TUBB8: variants seen among roughly 807,000 people sequenced by gnomAD.
TUBB8 encodes tubulin beta 8 class VIII.
TUBB8 carries 25 observed loss-of-function variants against 33.7 expected under a neutral mutation model. The ratio of observed to expected loss-of-function variants is 0.74; its 90% CI spans 0.54 to 1.04. The LOEUF is 1.04. Among genes scored for constraint, TUBB8 ranks in the 50% least tolerant of loss-of-function variants. The probability of loss-of-function intolerance (pLI) is 0.00; values close to 1 mark genes in which losing one functional copy is unlikely to be tolerated. For synonymous variants in TUBB8, 245 were observed against 240.1 expected (o/e 1.02, Z -0.19); for missense variants, 279 against 608.0 (o/e 0.46, Z 5.69).
At chr10:49,437 T>G (rs1588273233), upstream of TUBB8, 2 of 708,554 alleles carry the variant, frequency 2.8e-6, no homozygotes, top group Non-Finnish European at 5.2e-6. Context: ...GAACATCTGT[T>G]GGAAAGCTCA....
At chr10:72,739 G>T (rs1212733811) in intron 1 of TUBB8, among the ~76,000 whole-genome samples, 1 of 151,402 alleles carries the variant, frequency 6.6e-6, no homozygotes, top group Non-Finnish European at 1.5e-5. Flanking sequence ...TGTAATCCCA[G>T]TTCTTGGGGA....
chr10:74,625 C>CAAAAAAAAAAAAAAAAGAAAAAA (rs1834784586), upstream of TUBB8, among the ~76,000 whole-genome samples: 1 of 89,680 alleles, frequency 1.1e-5, no homozygotes, highest in African/African-American at 4.4e-5. Context: ...GACTCAGTAT[C>CAAAAAAAAAAAAAAAAGAAAAAA]AAAAAAAAAA....
At chr10:49,474 T>C (rs1342262682), upstream of TUBB8, 11 of 635,906 alleles carry the variant, frequency 1.7e-5, no homozygotes, top group African/African-American at 1.5e-4. Flanking sequence ...CCTTTCCACG[T>C]TGGGGAAAGC....
At chr10:76,279 C>G (rs1385101812), upstream of TUBB8, among the ~76,000 whole-genome samples, 2 of 152,068 alleles carry the variant, frequency 1.3e-5, no homozygotes, top group African/African-American at 4.8e-5. Flanking sequence ...TCTCCGGGGA[C>G]CAGGGTCTCT....
chr10:62,049 C>G (rs557476334), intron 1 of TUBB8, among the ~76,000 whole-genome samples: 58 of 152,118 alleles, frequency 3.8e-4, no homozygotes, highest in Non-Finnish European at 6.8e-4. Flanking sequence ...ATCCATTCAT[C>G]CACTATTTGT....
chr10:67,800 C>A (rs1168543156), intron 1 of TUBB8, among the ~76,000 whole-genome samples: 1 of 152,176 alleles, frequency 6.6e-6, no homozygotes, highest in East Asian at 1.9e-4. Flanking sequence ...TTGAGAGAGT[C>A]TCACACTGTC....
At chr10:69,239 C>CA (rs1408743101) in intron 1 of TUBB8, among the ~76,000 whole-genome samples, 1 of 152,170 alleles carries the variant, frequency 6.6e-6, no homozygotes, top group African/African-American at 2.4e-5. Context: ...CTGCCCTTTC[C>CA]AAGGCATTCA....
At position 48,706 on chromosome 10, in the gene TUBB8, G is replaced by A. The variant is rs1554738821; in HGVS notation, c.186C>T (p.Arg62=). The change falls in exon 3 of 4, where the codon CGC becomes CGT. Residue 62 remains arginine, a synonymous_variant. Transcript: ENST00000568584. ...NEASGGRYVP[R]AVLVDLEPGT... ...CCGGCTCCAGATCCACGAGCACAGCGCGGGGCACGTACCTGCCACCTGCGT... is the reference window on the plus strand; with the variant it reads ...CCGGCTCCAGATCCACGAGCACAGCACGGGGCACGTACCTGCCACCTGCGT... 8 of 1,611,804 alleles carry A rather than the reference G, an allele frequency of 5.0e-6. No homozygotes were observed. The highest frequency in any genetic ancestry group is 1.3e-5 in the African/African-American group (1 of 74,864).
At chr10:69,808 G>A (rs1554742080) in intron 1 of TUBB8, among the ~76,000 whole-genome samples, 2 of 152,184 alleles carry the variant, frequency 1.3e-5, no homozygotes, top group African/African-American at 4.8e-5. Context: ...GAAGCGGGAG[G>A]ATGGCTCGAG....
intron 1 of TUBB8, among the ~76,000 whole-genome samples, chr10:71,159 C>T (rs868940381): frequency 1.3e-5 from 2 of 151,964 alleles, no homozygotes; most frequent in Middle Eastern, 3.4e-3. Flanking sequence ...TAAAAACACA[C>T]AAAAAATTAC....
rs1554738008 is a variant in TUBB8, at chr10:47,225, G to A, written c.1167C>T (p.Phe389=). The A allele has an allele frequency of 2.5e-6, 4 of 1,613,402 alleles. No homozygotes were observed. Among genetic ancestry groups the A allele is most frequent in the South Asian group, 1.1e-5 (1 of 91,040 alleles). The change falls in exon 4 of 4, where the codon TTC becomes TTT. Residue 389 remains phenylalanine (F), a synonymous_variant. Transcript: ENST00000568584. ...ACCAGTGGAGGAAGGCCTTGCGCCT[G>A]AACATTGCTGTAAACTGCTCTGAGA... ...KRVSEQFTAM[F]RRKAFLHWYT... is the part of the protein sequence containing the mutation.
rs377636729 is a variant in TUBB8, at chr10:49,278, G to A, written c.-40C>T. On this transcript the variant is annotated 5_prime_UTR_variant, in exon 1 of 4. Transcript: ENST00000568584. ...TAGGACGGCAGGAGAAACGTGAGAA[G>A]GAGGAGCAGACGCGCAGCGACCCAG... The A allele has an allele frequency of 3.2e-6, 5 of 1,562,570 alleles. No homozygotes were observed. Among genetic ancestry groups the A allele is most frequent in the South Asian group, 1.2e-5 (1 of 85,180 alleles).
chr10:67,150 G>T (rs71489225), intron 1 of TUBB8, among the ~76,000 whole-genome samples: 39,527 of 89,022 alleles, frequency 0.44, 5,462 homozygotes, highest in South Asian at 0.55. Context: ...TTGTTTTTTT[G>T]TTGTTTTTTT....
At chr10:74,639 AAAAAG>A (rs1286765035), upstream of TUBB8, among the ~76,000 whole-genome samples, 7 of 150,456 alleles carry the variant, frequency 4.7e-5, no homozygotes, top group Admixed American at 2.6e-4. Context: ...AAAAAAAAAA[AAAAAG>A]AAAGAAAGAA....
At chr10:54,009 A>G (rs1364937182), upstream of TUBB8, among the ~76,000 whole-genome samples, 11 of 152,020 alleles carry the variant, frequency 7.2e-5, no homozygotes, top group African/African-American at 7.2e-5. Context: ...CAGGGTATCC[A>G]TCCCCTCAAG....
chr10:73,967 A>C lies in TUBB8; in HGVS notation c.-846+2T>G, dbSNP rs1564214422. 1 of 156,214 alleles carries C rather than the reference A, an allele frequency of 6.4e-6. No homozygotes were observed. The highest frequency in any genetic ancestry group is 1.5e-5 in the Non-Finnish European group (1 of 67,732). 9.7% of individuals were successfully genotyped at this position (156,214 alleles called of 1,614,324 possible). A position where few individuals can be genotyped will look rare whatever the true frequency, so the allele number is the denominator to read the frequency against. ...AGCGCGGGCAGGAAGCCTTTTCCTC[A>C]CTTTTGCCTCGGTGTCCCGGAGCTG... On this transcript the variant is annotated splice_donor_variant, in intron 1 of 3. Transcript: ENST00000564130. LOFTEE classifies it low-confidence loss of function (5UTR_SPLICE).
chr10:49,767 A>G (rs1834442173), upstream of TUBB8: 2 of 356,456 alleles, frequency 5.6e-6, no homozygotes, highest in Non-Finnish European at 1.1e-5. Flanking sequence ...TATGGGTGTT[A>G]GAGACAGTCA....
intron 1 of TUBB8, among the ~76,000 whole-genome samples, chr10:55,121 T>C (rs1554740020): frequency 6.6e-6 from 1 of 152,188 alleles, no homozygotes; most frequent in Non-Finnish European, 1.5e-5. Flanking sequence ...TGGGGAGGCC[T>C]CAGGAAACTT....
Position 47,248 on chromosome 10 carries a change from A to C in TUBB8, c.1144T>G (p.Ser382Ala), listed in dbSNP as rs1554738020. The change falls in exon 4 of 4, where the codon TCA becomes GCA. Residue 382 changes from serine (S) to alanine (A), a missense_variant. Around this residue, in one of 4 missense-constraint regions of TUBB8, gnomAD observed 123 missense variants for 228.9 expected, o/e 0.54. Transcript: ENST00000568584. The stretch of plus-strand genomic sequence containing the variant: ...CTGAACATTGCTGTAAACTGCTCTG[A>C]GACACGCTTGAAGAGTTCCTGGATG... Reference protein sequence around the residue: ...TAIQELFKRVSEQFTAMFRRK... With the variant: ...TAIQELFKRVAEQFTAMFRRK... The C allele has an allele frequency of 3.1e-6, 5 of 1,606,114 alleles. No individual in the cohort carries two copies. In the Admixed American group the frequency reaches 8.4e-5, roughly 27 times the overall value.
Sources: gnomAD v4.1 joint callset for allele counts (sites outside exome capture counted in the v4.1 genomes callset) on GRCh38, gnomAD v4.1.1 for gene constraint, gnomAD v4.1.1 regional missense constraint, MANE v1.5 for transcripts, NCBI Gene and HGNC (gene_info 2026-07-23, HGNC 2026-07-21) for gene names.